The following SYNE1 variants were observed in gnomAD, a reference collection of about 807,000 sequenced individuals.
SYNE1 encodes the protein nesprin-1.
In SYNE1, 616 loss-of-function variants were observed where a neutral mutation model predicts 1,111.0. That is an observed-to-expected ratio of 0.55 (90% CI 0.52 to 0.59). The LOEUF is 0.59. Among genes scored for constraint, SYNE1 ranks in the 20% least tolerant of loss-of-function variants. The pLI, the probability that SYNE1 is intolerant of heterozygous loss-of-function variation, is 0.00. For synonymous variants in SYNE1, 3,855 were observed against 3,825.8 expected (o/e 1.01, Z -0.28); for missense variants, 10,006 against 10,417.0 (o/e 0.96, Z 1.72).
At chr6:152,198,082 G>C in intron 127 of SYNE1, among the ~76,000 whole-genome samples, 1 of 147,650 alleles carries the variant, frequency 6.8e-6, no homozygotes, top group East Asian at 2.1e-4. Context: ...AGGAAGGAAA[G>C]AGGAAGGAAG....
At chr6:152,320,629 C>T (rs2095849581) in intron 84 of SYNE1, among the ~76,000 whole-genome samples, 1 of 152,096 alleles carries the variant, frequency 6.6e-6, no homozygotes, top group South Asian at 2.1e-4. Context: ...GGTCTCAACA[C>T]CAAAAAGGAC....
intron 3 of SYNE1, among the ~76,000 whole-genome samples, chr6:152,593,367 G>A (rs1036116080): frequency 9.2e-5 from 14 of 152,106 alleles, no homozygotes; most frequent in African/African-American, 3.4e-4. Context: ...GGCGGATCAC[G>A]AGGTCAGTAG....
At chr6:152,136,494 C>G in intron 141 of SYNE1, 124 bp downstream of exon 141, 1 of 1,168,756 alleles carries the variant, frequency 8.6e-7, no homozygotes, top group Non-Finnish European at 1.2e-6. Context: ...AAGGTTATCT[C>G]ACTGAAATAC....
At chr6:152,130,816 T>G (rs1436889647) in intron 144 of SYNE1, 38 bp from the exon 145 acceptor site, 1 of 1,608,804 alleles carries the variant, frequency 6.2e-7, no homozygotes, top group East Asian at 2.2e-5. Context: ...AAGAAGAATG[T>G]TCAGTCCAGG....
chr6:152,230,456 T>C (rs1337922806), intron 115 of SYNE1, 91 bp downstream of exon 115: 1 of 1,348,550 alleles, frequency 7.4e-7, no homozygotes, highest in Non-Finnish European at 1.0e-6. Flanking sequence ...TTTAAAAAAA[T>C]ATTTAACTTG....
intron 14 of SYNE1, among the ~76,000 whole-genome samples, chr6:152,479,013 A>G (rs1593532979): frequency 1.3e-5 from 2 of 152,198 alleles, no homozygotes; most frequent in Admixed American, 1.3e-4. Context: ...AGAACAGGAT[A>G]CAGTGAAAAG....
chr6:152,254,337 T>C (rs1361294696), intron 104 of SYNE1, among the ~76,000 whole-genome samples: 4 of 146,004 alleles, frequency 2.7e-5, no homozygotes, highest in South Asian at 4.5e-4. Context: ...CTGCTACCTC[T>C]GCGTCCCGGG....
At chr6:152,320,997 C>A (rs554033727) in intron 84 of SYNE1, among the ~76,000 whole-genome samples, 1 of 152,084 alleles carries the variant, frequency 6.6e-6, no homozygotes, top group South Asian at 2.1e-4. Flanking sequence ...TTCTTTAAGT[C>A]TTTTTTTAAA....
chr6:152,435,722 A>G, intron 33 of SYNE1: 8 of 608,676 alleles, frequency 1.3e-5, no homozygotes, highest in Non-Finnish European at 2.3e-5. Context: ...TCAGTTTAAG[A>G]TGCAAAACCC....
chr6:152,225,935 C>A, intron 115 of SYNE1, 59 bp from the exon 116 acceptor site: 1 of 1,555,908 alleles, frequency 6.4e-7, no homozygotes, highest in Non-Finnish European at 8.8e-7. Context: ...CTGGGGTGCA[C>A]TGAAATTGGG....
rs547362622 is a variant in SYNE1 at position 152,484,028 on chromosome 6, C to T, written c.1186-779G>A. Among the ~76,000 whole-genome samples, 163 of 91,844 alleles carry T rather than the reference C, an allele frequency of 1.8e-3. 2 individuals carry two copies. The highest frequency in any genetic ancestry group is 5.9e-3 in the African/African-American group (152 of 25,654). The allele number at this position is 91,844 out of a possible 152,430, so 60.3% of individuals were successfully genotyped here. A position where few individuals can be genotyped will look rare whatever the true frequency, so the allele number is the denominator to read the frequency against. On this transcript the variant is annotated intron_variant, in intron 13 of 145. Coordinates refer to ENST00000367255, the MANE Select transcript of SYNE1 (RefSeq NM_182961.4). ...ACCACCCTGGGCAATATAGTGAGAT[C>T]TCATCTCTACAAAAAAAAAAAAAAA...
intron 3 of SYNE1, among the ~76,000 whole-genome samples, chr6:152,543,958 AT>A (rs1174250996): frequency 1.3e-5 from 2 of 152,224 alleles, no homozygotes; most frequent in Admixed American, 6.5e-5. Context: ...ACAATGATGA[AT>A]TCACCTAGAA....
At chr6:152,326,755 T>C (rs2096076391) in intron 78 of SYNE1, 122 bp from the exon 79 acceptor site, 1 of 894,302 alleles carries the variant, frequency 1.1e-6, no homozygotes, top group African/African-American at 1.7e-5. Context: ...GTAAGTGCAT[T>C]GATAAGTTAG....
At chr6:152,362,607 G>A (rs144199716) in intron 63 of SYNE1, among the ~76,000 whole-genome samples, 201 of 152,252 alleles carry the variant, frequency 1.3e-3, no homozygotes, top group Non-Finnish European at 2.6e-3. Context: ...CACTGGGGGA[G>A]CCTCAAAGGC....
chr6:152,453,133 T>G (rs1297231461), intron 25 of SYNE1, among the ~76,000 whole-genome samples: 2 of 152,216 alleles, frequency 1.3e-5, no homozygotes, highest in Non-Finnish European at 2.9e-5. Flanking sequence ...TGTTCATCAT[T>G]GAATTCTTGA....
At chr6:152,272,810 A>G (rs1475179121) in intron 98 of SYNE1, among the ~76,000 whole-genome samples, 1 of 152,246 alleles carries the variant, frequency 6.6e-6, no homozygotes, top group East Asian at 1.9e-4. Context: ...CCAATTAAAG[A>G]GCATTAACAT....
At chr6:152,123,772 A>C (rs534790534) in intron 145 of SYNE1, among the ~76,000 whole-genome samples, 1 of 152,348 alleles carries the variant, frequency 6.6e-6, no homozygotes, top group South Asian at 2.1e-4. Flanking sequence ...AATATCACCA[A>C]GGATAAGGAC....
chr6:152,606,755 C>T (rs1583318376), intron 3 of SYNE1, among the ~76,000 whole-genome samples: 1 of 151,968 alleles, frequency 6.6e-6, no homozygotes, highest in African/African-American at 2.4e-5. Flanking sequence ...TCACGCCATT[C>T]TCCTGCCTCA....
intron 119 of SYNE1, among the ~76,000 whole-genome samples, chr6:152,219,752 G>A (rs991128384): frequency 6.6e-6 from 1 of 152,218 alleles, no homozygotes; most frequent in African/African-American, 2.4e-5. Context: ...AGCAGGGGGT[G>A]AGAGTAGCCT....
Sources: gnomAD v4.1 joint callset for allele counts (sites outside exome capture counted in the v4.1 genomes callset) on GRCh38, gnomAD v4.1.1 for gene constraint, MANE v1.5 for transcripts, NCBI Gene and HGNC (gene_info 2026-07-23, HGNC 2026-07-21) for gene names.